The following LRRC4C variants were observed in gnomAD, a reference collection of about 807,000 sequenced individuals.
LRRC4C encodes leucine rich repeat containing 4C, also known as leucine-rich repeat-containing protein 4C.
In LRRC4C, 5 loss-of-function variants were observed where a neutral mutation model predicts 33.6. That is an observed-to-expected ratio of 0.15 (90% confidence interval 0.08 to 0.31). The LOEUF (loss-of-function observed/expected upper bound fraction) is 0.31, where lower values mean the gene tolerates loss of function less well. LRRC4C is among the 10% of genes least tolerant of loss of function. The probability of loss-of-function intolerance (pLI) is 1.00; values close to 1 mark genes in which losing one functional copy is unlikely to be tolerated. For missense variants in LRRC4C, 560 were observed against 796.7 expected (o/e 0.70, Z 3.58); for synonymous variants, 329 against 302.0 (o/e 1.09, Z -0.93).
intron 2 of LRRC4C, among the ~76,000 whole-genome samples, chr11:40,703,796 C>T (rs974499446): frequency 2.6e-5 from 4 of 152,122 alleles, no homozygotes; most frequent in African/African-American, 7.2e-5. Flanking sequence ...AGTTAATAAT[C>T]GGCATATAAG....
intron 1 of LRRC4C, among the ~76,000 whole-genome samples, chr11:40,987,655 C>T (rs1250096470): frequency 0.019 from 392 of 20,704 alleles, 4 homozygotes; most frequent in Admixed American, 0.046. Context: ...ATATATATCT[C>T]ATATATATGA....
chr11:40,194,591 G>C (rs1006058061), intron 5 of LRRC4C, among the ~76,000 whole-genome samples: 3 of 151,594 alleles, frequency 2.0e-5, no homozygotes, highest in Admixed American at 2.0e-4. Context: ...GGGCACAGTG[G>C]GGGGAACATC....
At chr11:40,476,403 T>C (rs1953234787) in intron 3 of LRRC4C, among the ~76,000 whole-genome samples, 1 of 146,596 alleles carries the variant, frequency 6.8e-6, no homozygotes, top group Admixed American at 7.2e-5. Flanking sequence ...TGGAGTGTAG[T>C]GGTGTGATCT....
At chr11:40,850,370 T>C (rs1445695414) in intron 2 of LRRC4C, among the ~76,000 whole-genome samples, 1 of 152,184 alleles carries the variant, frequency 6.6e-6, no homozygotes, top group Admixed American at 6.5e-5. Flanking sequence ...TGTTTGTTAG[T>C]TTTTCTTCTA....
chr11:40,445,670 A>AT (rs1951600260), intron 3 of LRRC4C: 2 of 152,718 alleles, frequency 1.3e-5, no homozygotes, highest in East Asian at 3.9e-4. Flanking sequence ...CATTCATAAG[A>AT]TTTTTCCCCT....
At chr11:41,280,670 T>G (rs1171803394) in intron 1 of LRRC4C, among the ~76,000 whole-genome samples, 1 of 152,170 alleles carries the variant, frequency 6.6e-6, no homozygotes, top group Non-Finnish European at 1.5e-5. Context: ...AAGATAAAAG[T>G]ATGCATATTA....
chr11:40,567,726 A>G (rs374021031), intron 3 of LRRC4C, among the ~76,000 whole-genome samples: 2 of 152,206 alleles, frequency 1.3e-5, no homozygotes, highest in Non-Finnish European at 2.9e-5. Context: ...TCTTTCTGCT[A>G]AGAGTCAGAT....
At chr11:40,984,345 G>A (rs1050424498) in intron 1 of LRRC4C, among the ~76,000 whole-genome samples, 8 of 97,066 alleles carry the variant, frequency 8.2e-5, no homozygotes, top group Non-Finnish European at 1.5e-4. Context: ...AAAGAAAGTA[G>A]GAAAGAGAAA....
intron 1 of LRRC4C, among the ~76,000 whole-genome samples, chr11:41,234,685 A>G (rs568347617): frequency 1.8e-4 from 28 of 152,204 alleles, no homozygotes; most frequent in African/African-American, 5.1e-4. Flanking sequence ...TTCTTTTGCC[A>G]TATGTGGCTT....
rs1291848682 is a variant in LRRC4C, at chr11:40,209,185, G to C, written c.-96+32334C>G. Among the ~76,000 whole-genome samples, 3 of 152,110 alleles carry C rather than the reference G, an allele frequency of 2.0e-5. No homozygotes were observed. The East Asian group carries it at 5.8e-4, about 29-fold the overall frequency. On this transcript the variant is annotated intron_variant, in intron 5 of 6. Coordinates refer to ENST00000528697, the MANE Select transcript of LRRC4C (RefSeq NM_001258419.2). ...AAATTAGTATATTTATAAACATAAG[G>C]CTGTTCCAGGGTTTATGCTTCCCCC...
In LRRC4C at chr11:40,350,093, A is replaced by G. The variant is rs147327755; in HGVS notation, c.-269-30372T>C. 4.7e-4 allele frequency among the ~76,000 whole-genome samples: 71 copies of G among 152,048 alleles called. 2 individuals carry two copies. The highest frequency in any genetic ancestry group is 1.6e-3 in the African/African-American group (67 of 41,504). On this transcript the variant is annotated intron_variant, in intron 3 of 6. Transcript: ENST00000528697. ...CTTGCTGTGTAGAAACTATTTAACT[A>G]TATTTAATTTCATTTGTCTGTTTTT...
chr11:40,121,926 A>G (rs1036708303), intron 6 of LRRC4C, among the ~76,000 whole-genome samples: 24 of 152,126 alleles, frequency 1.6e-4, no homozygotes, highest in South Asian at 4.1e-4. Context: ...TTACCCCTGG[A>G]CCCTAAGATT....
intron 1 of LRRC4C, among the ~76,000 whole-genome samples, chr11:41,017,848 A>G (rs962961476): frequency 1.5e-4 from 23 of 151,372 alleles, no homozygotes. Flanking sequence ...ATCTGATCTA[A>G]GAGAGCTATA....
At chr11:40,502,798 G>T (rs1177070807) in intron 3 of LRRC4C, among the ~76,000 whole-genome samples, 1 of 152,040 alleles carries the variant, frequency 6.6e-6, no homozygotes, top group Non-Finnish European at 1.5e-5. Flanking sequence ...TCACGACTTG[G>T]TTTATTTCTC....
intron 1 of LRRC4C, among the ~76,000 whole-genome samples, chr11:41,302,500 C>G (rs1235713331): frequency 6.6e-6 from 1 of 152,124 alleles, no homozygotes; most frequent in Non-Finnish European, 1.5e-5. Context: ...TCTGTAAGTA[C>G]TTGGATCAAA....
chr11:41,314,299 G>A (rs1236386185), intron 1 of LRRC4C, among the ~76,000 whole-genome samples: 1 of 152,128 alleles, frequency 6.6e-6, no homozygotes, highest in African/African-American at 2.4e-5. Context: ...GTTAAGTTTA[G>A]CCTATGAAGG....
intron 1 of LRRC4C, among the ~76,000 whole-genome samples, chr11:40,950,501 A>G (rs909545835): frequency 7.9e-5 from 12 of 151,994 alleles, no homozygotes; most frequent in Non-Finnish European, 1.3e-4. Context: ...TTGTATTATA[A>G]TTATTATTTT....
chr11:40,576,945 A>T (rs916443093), intron 3 of LRRC4C, among the ~76,000 whole-genome samples: 11 of 152,210 alleles, frequency 7.2e-5, no homozygotes, highest in Non-Finnish European at 1.5e-4. Flanking sequence ...TTGAGGCTTG[A>T]TTATGGTAAC....
chr11:40,537,499 T>C (rs2135360265), intron 3 of LRRC4C, among the ~76,000 whole-genome samples: 1 of 152,318 alleles, frequency 6.6e-6, no homozygotes, highest in Middle Eastern at 3.4e-3. Context: ...TAGTTGTAGC[T>C]GTAAGAGAGA....
Sources: gnomAD v4.1 joint callset for allele counts (sites outside exome capture counted in the v4.1 genomes callset) on GRCh38, gnomAD v4.1.1 for gene constraint, MANE v1.5 for transcripts, NCBI Gene and HGNC (gene_info 2026-07-23, HGNC 2026-07-21) for gene names.